Variants in TNR observed in about 807,000 individuals in gnomAD.
TNR encodes the protein tenascin-R.
TNR carries 45 observed loss-of-function variants against 150.4 expected under a neutral mutation model. That is an observed-to-expected ratio of 0.30 (90% CI 0.24 to 0.38). The LOEUF (loss-of-function observed/expected upper bound fraction) is 0.38, where lower values mean the gene tolerates loss of function less well. Ranked by LOEUF, TNR falls within the 10% of genes least tolerant of loss-of-function variation. The probability of loss-of-function intolerance (pLI) is 1.00; values close to 1 mark genes in which losing one functional copy is unlikely to be tolerated. For missense variants in TNR, 1,544 were observed against 1,759.1 expected (o/e 0.88, Z 2.19); for synonymous variants, 687 against 678.4 (o/e 1.01, Z -0.20).
At chr1:175,647,418 C>T (rs1472726473) in intron 1 of TNR, among the ~76,000 whole-genome samples, 2 of 141,356 alleles carry the variant, frequency 1.4e-5, no homozygotes, top group Admixed American at 6.9e-5. Flanking sequence ...TGAAAATACG[C>T]TTGTTACTAT....
At chr1:175,515,986 A>G (rs1479548547) in intron 2 of TNR, among the ~76,000 whole-genome samples, 1 of 152,268 alleles carries the variant, frequency 6.6e-6, no homozygotes, top group East Asian at 1.9e-4. Context: ...TTTAAGCTCC[A>G]AAAGAATTTG....
intron 7 of TNR, among the ~76,000 whole-genome samples, chr1:175,388,209 T>C (rs1007327329): frequency 3.3e-5 from 5 of 152,152 alleles, no homozygotes; most frequent in African/African-American, 1.2e-4. Flanking sequence ...ATGGAAAATC[T>C]TCTTTATCCA....
chr1:175,739,823 C>T (rs1667875436), intron 1 of TNR, among the ~76,000 whole-genome samples: 1 of 152,178 alleles, frequency 6.6e-6, no homozygotes, highest in Non-Finnish European at 1.5e-5. Flanking sequence ...TTACTAAGCT[C>T]ACATAGGTAC....
intron 1 of TNR, among the ~76,000 whole-genome samples, chr1:175,714,716 C>T (rs937924353): frequency 1.3e-5 from 2 of 152,176 alleles, no homozygotes; most frequent in African/African-American, 2.4e-5. Context: ...ATTACTGGCC[C>T]CCAATTCATC....
chr1:175,466,475 T>C (rs1657040340), intron 2 of TNR, among the ~76,000 whole-genome samples: 1 of 152,218 alleles, frequency 6.6e-6, no homozygotes, highest in African/African-American at 2.4e-5. Context: ...TGTGTGCTGC[T>C]GACCCAGTCT....
intron 1 of TNR, among the ~76,000 whole-genome samples, chr1:175,671,716 T>C (rs1369333734): frequency 6.6e-6 from 1 of 152,230 alleles, no homozygotes; most frequent in Non-Finnish European, 1.5e-5. Context: ...ACTGGGTTTG[T>C]CATATTTTTA....
At chr1:175,516,844 G>T (rs1557981286) in intron 2 of TNR, among the ~76,000 whole-genome samples, 1 of 152,112 alleles carries the variant, frequency 6.6e-6, no homozygotes, top group Non-Finnish European at 1.5e-5. Context: ...AATTATGCCT[G>T]TTTTCTTTGT....
At chr1:175,393,983 C>T in intron 5 of TNR, 88 bp from the exon 6 acceptor site, 2 of 1,050,012 alleles carry the variant, frequency 1.9e-6, no homozygotes, top group Non-Finnish European at 1.5e-6. Context: ...TGAACTCCCT[C>T]CACGCCATGG....
At chr1:175,652,795 T>C (rs1043169262) in intron 1 of TNR, among the ~76,000 whole-genome samples, 1 of 152,156 alleles carries the variant, frequency 6.6e-6, no homozygotes, top group African/African-American at 2.4e-5. Flanking sequence ...CTTCATAAAT[T>C]ACCCAGTCTC....
At chr1:175,433,067 A>G (rs1048819596) in intron 2 of TNR, among the ~76,000 whole-genome samples, 1 of 152,148 alleles carries the variant, frequency 6.6e-6, no homozygotes, top group Non-Finnish European at 1.5e-5. Context: ...TCCAGAAGCC[A>G]CCTTGGACTA....
chr1:175,656,531 C>T (rs1323185299), intron 1 of TNR: 2 of 152,332 alleles, frequency 1.3e-5, no homozygotes, highest in African/African-American at 4.8e-5. Context: ...CTGAGGTGCC[C>T]TGTGCAAGAA....
intron 9 of TNR, among the ~76,000 whole-genome samples, chr1:175,368,590 G>A (rs1651941272): frequency 6.6e-6 from 1 of 152,174 alleles, no homozygotes; most frequent in African/African-American, 2.4e-5. Context: ...GATTCTTTGA[G>A]GGCTATTTCA....
chr1:175,546,950 G>A (rs1028889589), intron 1 of TNR, among the ~76,000 whole-genome samples: 5 of 152,272 alleles, frequency 3.3e-5, no homozygotes, highest in Admixed American at 3.3e-4. Context: ...GTAACAATGG[G>A]CACTGCTCTG....
intron 1 of TNR, among the ~76,000 whole-genome samples, chr1:175,541,463 G>A (rs1447457875): frequency 6.6e-6 from 1 of 152,182 alleles, no homozygotes; most frequent in Non-Finnish European, 1.5e-5. Flanking sequence ...AGTAATGGCA[G>A]GCAAGTATTT....
In TNR at chr1:175,362,823, G is replaced by A; in HGVS notation, c.2708-14C>T. 1 of 1,613,644 alleles carries A rather than the reference G, an allele frequency of 6.2e-7. No individual in the cohort carries two copies. Among genetic ancestry groups the A allele is most frequent in the East Asian group, 2.2e-5 (1 of 44,862 alleles). ...CTAGTCGTCCCACTGGAGAAGAGAAGAATCTACAGTTAAAATTCAGCAGCC... is the reference window on the plus strand; with the variant it reads ...CTAGTCGTCCCACTGGAGAAGAGAAAAATCTACAGTTAAAATTCAGCAGCC... On this transcript the variant is annotated splice_polypyrimidine_tract_variant and intron_variant, in intron 13 of 22. Coordinates refer to ENST00000367674, the MANE Select transcript of TNR (RefSeq NM_003285.3).
intron 1 of TNR, among the ~76,000 whole-genome samples, chr1:175,616,007 T>C (rs957557960): frequency 6.6e-6 from 1 of 152,174 alleles, no homozygotes; most frequent in African/African-American, 2.4e-5. Flanking sequence ...ATACCTAAAA[T>C]AGCTACATTA....
At chr1:175,709,310 C>T (rs1181576235) in intron 1 of TNR, among the ~76,000 whole-genome samples, 1 of 117,690 alleles carries the variant, frequency 8.5e-6, no homozygotes, top group Non-Finnish European at 2.0e-5. Context: ...CACACACATA[C>T]ACACACACAC....
intron 1 of TNR, among the ~76,000 whole-genome samples, chr1:175,658,018 G>A (rs1306986140): frequency 6.6e-6 from 1 of 151,380 alleles, no homozygotes; most frequent in Non-Finnish European, 1.5e-5. Context: ...TGGGTTCCCA[G>A]CAGTGCTGCA....
At chr1:175,366,382 C>T (rs1651842798) in intron 10 of TNR, among the ~76,000 whole-genome samples, 1 of 152,206 alleles carries the variant, frequency 6.6e-6, no homozygotes, top group African/African-American at 2.4e-5. Context: ...GGATTGCATC[C>T]ACCTCTGGGA....
Sources: allele counts gnomAD v4.1 joint callset (sites outside exome capture counted in the v4.1 genomes callset), GRCh38; gene constraint gnomAD v4.1.1; transcripts MANE v1.5; gene names NCBI Gene and HGNC (gene_info 2026-07-23, HGNC 2026-07-21).